The following PHF24 variants were observed in gnomAD, a reference collection of about 807,000 sequenced individuals.
PHF24 encodes Galpha inhibitory interacting protein.
In PHF24, 25 loss-of-function variants were observed where a neutral mutation model predicts 42.6. The observed-to-expected ratio is 0.59, with a 90% CI of 0.43 to 0.82. The LOEUF (loss-of-function observed/expected upper bound fraction) is 0.82. Ranked by LOEUF, PHF24 falls within the 40% of genes least tolerant of loss-of-function variation. The pLI is 0.00. For missense variants in PHF24, 470 were observed against 538.1 expected, an observed-to-expected ratio of 0.87 and a Z score of 1.25; for synonymous variants, 185 against 204.8, an observed-to-expected ratio of 0.90 and a Z score of 0.83.
At chr9:34,764,889 G>C in the PHF24 span, among the ~76,000 whole-genome samples, 1 of 150,774 alleles carries the variant, frequency 6.6e-6, no homozygotes, top group Non-Finnish European at 1.5e-5. Context: ...CAGAGATTCT[G>C]GTATGTTGTG....
the PHF24 span, among the ~76,000 whole-genome samples, chr9:34,680,707 TAAA>T: frequency 3.3e-5 from 2 of 60,060 alleles, no homozygotes; most frequent in African/African-American, 9.7e-5. Flanking sequence ...AATAAATAAA[TAAA>T]AAAAAAAATA....
chr9:34,703,841 C>T, the PHF24 span, among the ~76,000 whole-genome samples: 1 of 151,640 alleles, frequency 6.6e-6, no homozygotes, highest in African/African-American at 2.4e-5. Context: ...GCTGAGATTA[C>T]AGGTGTGTGC....
chr9:34,925,144 G>A, the PHF24 span, among the ~76,000 whole-genome samples: 1 of 152,156 alleles, frequency 6.6e-6, no homozygotes, highest in Admixed American at 6.5e-5. Context: ...TGACTAGCAG[G>A]ATTTTTTTAT....
chr9:34,971,979 G>A (rs560199338), intron 2 of PHF24, among the ~76,000 whole-genome samples: 37 of 152,232 alleles, frequency 2.4e-4, no homozygotes, highest in African/African-American at 8.4e-4. Context: ...GAGGCAATTG[G>A]AAATTTGGGA....
chr9:34,771,425 G>A, the PHF24 span, among the ~76,000 whole-genome samples: 9 of 152,140 alleles, frequency 5.9e-5, no homozygotes, highest in Non-Finnish European at 1.0e-4. Context: ...TTAATCTTAC[G>A]AGACCACCAT....
the PHF24 span, among the ~76,000 whole-genome samples, chr9:34,716,827 C>G: frequency 2.6e-5 from 4 of 152,264 alleles, 1 homozygote; most frequent in South Asian, 4.2e-4. Flanking sequence ...AGGCTGGTCT[C>G]CAACTCTTGA....
At chr9:34,977,619 C>G in exon 7 of PHF24, 1 of 1,603,694 alleles carries the variant, frequency 6.2e-7, no homozygotes, top group Non-Finnish European at 8.5e-7. Flanking sequence ...CAAGACCCTG[C>G]TGCCCACAGA....
chr9:34,932,539 A>G, the PHF24 span, among the ~76,000 whole-genome samples: 5 of 152,318 alleles, frequency 3.3e-5, no homozygotes, highest in African/African-American at 1.2e-4. Context: ...CCTGGCACAA[A>G]ATAGATCCTC....
chr9:34,881,532 A>C, the PHF24 span, among the ~76,000 whole-genome samples: 1 of 152,212 alleles, frequency 6.6e-6, no homozygotes, highest in African/African-American at 2.4e-5. Context: ...AGGGGATATC[A>C]CCACCGATCC....
chr9:34,690,150 T>C, the PHF24 span: 1 of 1,601,690 alleles, frequency 6.2e-7, no homozygotes, highest in Non-Finnish European at 8.5e-7. Context: ...AATAAGAAGG[T>C]GGGAGTCTCA....
chr9:34,823,751 C>T, the PHF24 span, among the ~76,000 whole-genome samples: 2 of 152,286 alleles, frequency 1.3e-5, no homozygotes, highest in East Asian at 3.9e-4. Flanking sequence ...TCTGCCCACA[C>T]TCTGGTCTGT....
At chr9:34,812,345 A>T in the PHF24 span, among the ~76,000 whole-genome samples, 1 of 152,222 alleles carries the variant, frequency 6.6e-6, no homozygotes, top group African/African-American at 2.4e-5. Flanking sequence ...TGCTGGTGGA[A>T]ATGTAAAATG....
the PHF24 span, chr9:34,838,305 A>T: frequency 2.8e-6 from 2 of 725,816 alleles, no homozygotes; most frequent in Admixed American, 4.0e-5. Context: ...AAAGCATATT[A>T]TCTGAGGCTT....
chr9:34,703,197 C>T, the PHF24 span, among the ~76,000 whole-genome samples: 6 of 151,262 alleles, frequency 4.0e-5, no homozygotes, highest in East Asian at 2.0e-4. Flanking sequence ...TTTTTTGAGA[C>T]GGAGTCTTGC....
chr9:34,741,346 C>CTTTTCTTTTTCT, the PHF24 span, among the ~76,000 whole-genome samples: 2 of 151,870 alleles, frequency 1.3e-5, no homozygotes, highest in Non-Finnish European at 2.9e-5. Context: ...TATTTCTTTT[C>CTTTTCTTTTTCT]TTTTCTTTTT....
chr9:34,671,999 GTC>G, the PHF24 span, among the ~76,000 whole-genome samples: 1 of 151,906 alleles, frequency 6.6e-6, no homozygotes. Flanking sequence ...TCATTTGTTT[GTC>G]TCTCAGTTAT....
the PHF24 span, among the ~76,000 whole-genome samples, chr9:34,830,417 C>A: frequency 2.0e-5 from 3 of 152,190 alleles, no homozygotes; most frequent in Non-Finnish European, 2.9e-5. Context: ...GTGGAGCAAG[C>A]ACAACCTTGA....
At chr9:34,813,385 G>C in the PHF24 span, among the ~76,000 whole-genome samples, 2 of 152,166 alleles carry the variant, frequency 1.3e-5, no homozygotes, top group African/African-American at 4.8e-5. Flanking sequence ...CTGAAATGTG[G>C]TATCTTAAAA....
the PHF24 span, among the ~76,000 whole-genome samples, chr9:34,680,709 A>AAT: frequency 1.6e-5 from 1 of 63,510 alleles, no homozygotes; most frequent in Non-Finnish European, 3.8e-5. Context: ...TAAATAAATA[A>AAT]AAAAAAAAAT....
Sources: allele counts gnomAD v4.1 joint callset (sites outside exome capture counted in the v4.1 genomes callset), GRCh38; gene constraint gnomAD v4.1.1; transcripts MANE v1.5; gene names NCBI Gene and HGNC (gene_info 2026-07-23, HGNC 2026-07-21).